The following BNC2 variants were observed in gnomAD, a reference collection of about 807,000 sequenced individuals.
BNC2 encodes the protein zinc finger protein basonuclin-2.
BNC2 carries 20 observed loss-of-function variants against 76.3 expected under a neutral mutation model. The ratio of observed to expected loss-of-function variants is 0.26; its 90% CI spans 0.18 to 0.38. The LOEUF (loss-of-function observed/expected upper bound fraction) is 0.38. Ranked by LOEUF, BNC2 falls within the 10% of genes least tolerant of loss-of-function variation. The pLI is 1.00. For synonymous variants in BNC2, 582 were observed against 514.8 expected, an observed-to-expected ratio of 1.13 and a Z score of -1.77; for missense variants, 1,382 against 1,399.8, an observed-to-expected ratio of 0.99 and a Z score of 0.20.
At chr9:16,444,768 C>A (rs1242235949) in intron 5 of BNC2, among the ~76,000 whole-genome samples, 1 of 152,166 alleles carries the variant, frequency 6.6e-6, no homozygotes, top group East Asian at 1.9e-4. Flanking sequence ...ATAATATGTG[C>A]AGTCCTCTTC....
chr9:16,657,415 A>G (rs953929686), intron 3 of BNC2, among the ~76,000 whole-genome samples: 5 of 152,212 alleles, frequency 3.3e-5, no homozygotes, highest in Non-Finnish European at 5.9e-5. Flanking sequence ...CGCTTCTACA[A>G]TATGCTTCAG....
chr9:16,854,662 AT>A (rs1420309725), intron 1 of BNC2, among the ~76,000 whole-genome samples: 1 of 152,144 alleles, frequency 6.6e-6, no homozygotes, highest in African/African-American at 2.4e-5. Context: ...AACGAGTGAA[AT>A]GAGACTGCCA....
intron 1 of BNC2, among the ~76,000 whole-genome samples, chr9:16,789,547 C>T (rs1012435455): frequency 2.0e-5 from 3 of 152,164 alleles, no homozygotes; most frequent in African/African-American, 4.8e-5. Context: ...CCTTCTTCAA[C>T]GCAGCTTTTC....
rs1026492137 is a variant in BNC2, at chr9:16,483,936, G to A, written c.670-46412C>T. 3.9e-5 allele frequency among the ~76,000 whole-genome samples: 6 copies of A among 152,040 alleles called. 1 individual carries two copies. The highest frequency in any genetic ancestry group is 4.1e-4 in the South Asian group (2 of 4,828). The stretch of plus-strand genomic sequence containing the variant: ...AACTACTTTGTAGACTTTTCTATAC[G>A]CCATGGGTACTTAATAAATCCTGGC... On this transcript the variant is annotated intron_variant, in intron 5 of 6. Coordinates refer to ENST00000380672, the MANE Select transcript of BNC2 (RefSeq NM_017637.6).
intron 3 of BNC2, among the ~76,000 whole-genome samples, chr9:16,660,540 C>G (rs1212140251): frequency 6.6e-6 from 1 of 151,900 alleles, no homozygotes; most frequent in Admixed American, 6.6e-5. Context: ...CATAAGCTGC[C>G]TAAGGTATCC....
At chr9:16,528,951 A>G (rs1285834966) in intron 5 of BNC2, among the ~76,000 whole-genome samples, 1 of 152,186 alleles carries the variant, frequency 6.6e-6, no homozygotes, top group Non-Finnish European at 1.5e-5. Flanking sequence ...GAAGTTTGCA[A>G]TTGAGGTGTG....
chr9:16,499,520 CTT>C (rs146073367), intron 5 of BNC2, among the ~76,000 whole-genome samples: 5 of 126,190 alleles, frequency 4.0e-5, no homozygotes, highest in African/African-American at 1.6e-4. Flanking sequence ...CCCTAAATAT[CTT>C]TTTTTTTCTT....
chr9:16,450,253 A>G (rs1821313724), intron 5 of BNC2, among the ~76,000 whole-genome samples: 2 of 152,250 alleles, frequency 1.3e-5, no homozygotes, highest in African/African-American at 4.8e-5. Flanking sequence ...TAAAATTTAC[A>G]GGGAAAATTA....
chr9:16,440,758 G>A (rs953224091), intron 5 of BNC2, among the ~76,000 whole-genome samples: 2 of 152,110 alleles, frequency 1.3e-5, no homozygotes, highest in African/African-American at 4.8e-5. Flanking sequence ...TTGTCTTCTA[G>A]CGCTTAGTTG....
rs201795553 is a variant in BNC2, at chr9:16,498,257, C to T, written c.669+54273G>A. 2.3e-3 allele frequency among the ~76,000 whole-genome samples: 225 copies of T among 96,748 alleles called. 7 individuals carry two copies. Among genetic ancestry groups the T allele is most frequent in the African/African-American group, 3.2e-3 (100 of 31,246 alleles). The allele number at this position is 96,748 out of a possible 152,430, so 63.5% of individuals were successfully genotyped here. A position where few individuals can be genotyped will look rare whatever the true frequency, so the allele number is the denominator to read the frequency against. On this transcript the variant is annotated intron_variant, in intron 5 of 6. Coordinates refer to ENST00000380672, the MANE Select transcript of BNC2 (RefSeq NM_017637.6). ...TATTCCATCATATATATATATATTC[C>T]ATCATATATATATTCCATCATATAT...
chr9:16,792,750 CA>C (rs1267207185), intron 1 of BNC2, among the ~76,000 whole-genome samples: 1 of 152,150 alleles, frequency 6.6e-6, no homozygotes, highest in African/African-American at 2.4e-5. Context: ...GCTATAAAAA[CA>C]AGGTATGTAA....
chr9:16,780,237 A>AAAT (rs1826100896), intron 1 of BNC2, among the ~76,000 whole-genome samples: 1 of 98,792 alleles, frequency 1.0e-5, no homozygotes, highest in Non-Finnish European at 1.8e-5. Flanking sequence ...CTTCGTTTCA[A>AAAT]AAAAAAAAAA....
intron 3 of BNC2, among the ~76,000 whole-genome samples, chr9:16,618,511 T>G (rs565893502): frequency 6.6e-6 from 1 of 152,094 alleles, no homozygotes; most frequent in African/African-American, 2.4e-5. Flanking sequence ...ATTTACAGAA[T>G]GCAATCAGCA....
chr9:16,418,994 C>G lies in BNC2; in HGVS notation c.3295G>C (p.Asp1099His), dbSNP rs1324381141. 6.2e-7 allele frequency: 1 copy of G among 1,614,056 alleles called. No homozygotes were observed. The highest frequency in any genetic ancestry group is 1.7e-5 in the Admixed American group (1 of 60,018). The stretch of plus-strand genomic sequence containing the variant: ...TTGTAGTGTCCATTCTGAGACTAAT[C>G]TACTGAAGTGAAGGGAATGTTTTTG... The part of the protein sequence containing the change: ...LHKNIPFTSV[D>H] Residue 1099 changes from aspartate (D) to histidine (H), a missense_variant, in exon 7 of 7, where the codon GAT (aspartate) becomes CAT (histidine). Physicochemically the swap from Asp to His is moderately conservative, Grantham distance 81. This residue lies in a region of BNC2 where 798 missense variants were observed against 775.5 expected (regional missense o/e 1.03). Transcript: ENST00000380672.
intron 3 of BNC2, among the ~76,000 whole-genome samples, chr9:16,591,724 T>A (rs1244089324): frequency 6.6e-6 from 1 of 152,160 alleles, no homozygotes; most frequent in Non-Finnish European, 1.5e-5. Context: ...ACAATGAAGT[T>A]ATTCTGTCTC....
At chr9:16,667,612 T>C (rs1011175532) in intron 3 of BNC2, among the ~76,000 whole-genome samples, 1 of 152,218 alleles carries the variant, frequency 6.6e-6, no homozygotes, top group African/African-American at 2.4e-5. Flanking sequence ...AGATAGCCTT[T>C]TGACAGCATT....
intron 5 of BNC2, among the ~76,000 whole-genome samples, chr9:16,457,800 G>A (rs1485093365): frequency 4.6e-5 from 7 of 152,216 alleles, no homozygotes; most frequent in Admixed American, 3.3e-4. Context: ...CTGGATGCCA[G>A]CCAAGGGCCA....
Position 16,727,824 on chromosome 9 carries a change from A to T in BNC2, c.303T>A (p.Thr101=), listed in dbSNP as rs1221790138. 2 of 1,614,178 alleles carry T rather than the reference A, an allele frequency of 1.2e-6. No homozygotes were observed. The highest frequency in any genetic ancestry group is 1.7e-5 in the Admixed American group (1 of 60,026). Reference sequence around the variant, plus strand: ...GTTGGGACATTCTGAATAAGAGGTTAGTATCAGCGTTTTGCCATGTCCCCA... The same window carrying T: ...GTTGGGACATTCTGAATAAGAGGTTTGTATCAGCGTTTTGCCATGTCCCCA... ...GFMGTWQNAD[T]NLLFRMSQQA... Residue 101 remains threonine (T), a synonymous_variant, in exon 3 of 7, where the codon ACT becomes ACA. Coordinates refer to ENST00000380672, the MANE Select transcript of BNC2 (RefSeq NM_017637.6).
At chr9:16,422,488 C>T (rs971549764) in intron 6 of BNC2, among the ~76,000 whole-genome samples, 1 of 152,190 alleles carries the variant, frequency 6.6e-6, no homozygotes, top group Non-Finnish European at 1.5e-5. Context: ...TCATGGTAGT[C>T]GATTTCCATT....
Sources: allele counts gnomAD v4.1 joint callset (sites outside exome capture counted in the v4.1 genomes callset), GRCh38; gene constraint gnomAD v4.1.1; regional missense constraint gnomAD v4.1.1; transcripts MANE v1.5; gene names NCBI Gene and HGNC (gene_info 2026-07-23, HGNC 2026-07-21).